Variants in VPS41 observed in about 807,000 individuals in gnomAD.
The protein encoded by VPS41 is vacuolar protein sorting-associated protein 41 homolog.
VPS41 carries 85 observed loss-of-function variants against 130.9 expected under a neutral mutation model. The observed-to-expected ratio is 0.65, with a 90% CI of 0.55 to 0.78. The LOEUF is 0.78. VPS41 is among the 30% of genes least tolerant of loss of function. The pLI, the probability that VPS41 is intolerant of heterozygous loss-of-function variation, is 0.00. For missense variants in VPS41, 874 were observed against 1,018.7 expected, an observed-to-expected ratio of 0.86 and a Z score of 1.93; for synonymous variants, 335 against 332.9, an observed-to-expected ratio of 1.01 and a Z score of -0.07.
chr7:38,865,796 G>T (rs532454824), intron 3 of VPS41, among the ~76,000 whole-genome samples: 5 of 152,252 alleles, frequency 3.3e-5, no homozygotes, highest in Non-Finnish European at 2.9e-5. Context: ...CAGGTGATAA[G>T]GTTGGAAAGG....
intron 7 of VPS41, among the ~76,000 whole-genome samples, chr7:38,804,111 C>T (rs540047824): frequency 6.6e-6 from 1 of 152,272 alleles, no homozygotes; most frequent in Admixed American, 6.5e-5. Flanking sequence ...GTTCCTAGAG[C>T]CCACTCAAAT....
At position 38,758,377 on chromosome 7, in the gene VPS41, A is replaced by T; in HGVS notation, c.1527T>A (p.Thr509=). Residue 509 remains threonine (T), a synonymous_variant, in exon 18 of 29, where the codon ACT becomes ACA. Transcript: ENST00000310301. ...DHLKKDSQNK[T]LLKTLAELYT... The stretch of plus-strand genomic sequence containing the variant: ...ACAATTCTGCCAGGGTTTTAAGTAA[A>T]GTCTTGTTCTGACTATCTTTCTTCA... 6.2e-7 allele frequency: 1 copy of T among 1,610,518 alleles called. No homozygotes were observed. Among genetic ancestry groups the T allele is most frequent in the South Asian group, 1.1e-5 (1 of 89,958 alleles).
At chr7:38,878,357 G>A (rs1346991737) in intron 2 of VPS41, among the ~76,000 whole-genome samples, 1 of 152,076 alleles carries the variant, frequency 6.6e-6, no homozygotes, top group Non-Finnish European at 1.5e-5. Context: ...TGTTTCAGTG[G>A]CAAGTTCTAT....
chr7:38,767,140 G>A (rs1483282979), intron 15 of VPS41, among the ~76,000 whole-genome samples: 1 of 152,120 alleles, frequency 6.6e-6, no homozygotes, highest in Non-Finnish European at 1.5e-5. Flanking sequence ...GCAGTACCTT[G>A]GCTGGTACTA....
intron 5 of VPS41, among the ~76,000 whole-genome samples, chr7:38,824,286 C>G (rs1785229492): frequency 6.6e-6 from 1 of 152,198 alleles, no homozygotes; most frequent in Non-Finnish European, 1.5e-5. Flanking sequence ...CACACCTGTA[C>G]AGTTAAAATT....
chr7:38,788,827 A>C (rs1784484693), intron 10 of VPS41, among the ~76,000 whole-genome samples: 1 of 152,214 alleles, frequency 6.6e-6, no homozygotes, highest in African/African-American at 2.4e-5. Context: ...TCTGACTTCA[A>C]GTACAAAATA....
intron 7 of VPS41, among the ~76,000 whole-genome samples, chr7:38,817,290 T>C (rs1019268230): frequency 6.6e-6 from 1 of 152,218 alleles, no homozygotes; most frequent in African/African-American, 2.4e-5. Flanking sequence ...TATTTTCTTG[T>C]CCTATATCTA....
At chr7:38,766,109 CTA>C (rs1483139428) in intron 15 of VPS41, among the ~76,000 whole-genome samples, 2 of 152,214 alleles carry the variant, frequency 1.3e-5, no homozygotes, top group Non-Finnish European at 2.9e-5. Flanking sequence ...TCCTATCCTA[CTA>C]TATAACCTGG....
intron 2 of VPS41, among the ~76,000 whole-genome samples, chr7:38,872,342 C>T (rs1434092329): frequency 6.6e-6 from 1 of 152,196 alleles, no homozygotes; most frequent in Non-Finnish European, 1.5e-5. Context: ...TCAGATGGAA[C>T]ACTGTCATTT....
At chr7:38,846,656 T>C (rs1785730509) in intron 4 of VPS41, among the ~76,000 whole-genome samples, 1 of 152,090 alleles carries the variant, frequency 6.6e-6, no homozygotes, top group South Asian at 2.1e-4. Flanking sequence ...TTGGGAAGAT[T>C]ACTTGGGCAG....
At chr7:38,888,977 G>A (rs952881589) in intron 2 of VPS41, among the ~76,000 whole-genome samples, 9 of 152,072 alleles carry the variant, frequency 5.9e-5, no homozygotes, top group African/African-American at 1.9e-4. Flanking sequence ...GCTAGGGGAG[G>A]GAAATCATTA....
intron 25 of VPS41, among the ~76,000 whole-genome samples, chr7:38,734,234 C>A (rs186917927): frequency 6.6e-6 from 1 of 152,320 alleles, no homozygotes; most frequent in Non-Finnish European, 1.5e-5. Context: ...ATTTTCCTTA[C>A]AGGACTTTCC....
intron 23 of VPS41, among the ~76,000 whole-genome samples, chr7:38,745,267 A>T (rs187618544): frequency 2.8e-4 from 42 of 152,346 alleles, no homozygotes; most frequent in Admixed American, 2.1e-3. Context: ...TTTTTTAGAA[A>T]ATGAAAAAAC....
intron 22 of VPS41, among the ~76,000 whole-genome samples, chr7:38,747,035 G>A (rs566282843): frequency 6.6e-5 from 10 of 152,182 alleles, no homozygotes; most frequent in African/African-American, 2.4e-4. Flanking sequence ...CAATTATTTT[G>A]GGATTTTTAT....
At chr7:38,866,457 G>C (rs1786231371) in intron 3 of VPS41, among the ~76,000 whole-genome samples, 1 of 152,174 alleles carries the variant, frequency 6.6e-6, no homozygotes, top group African/African-American at 2.4e-5. Context: ...CTTAGCAAAT[G>C]GCTGGGTGAA....
At chr7:38,892,140 A>C (rs1786879967) in intron 2 of VPS41, among the ~76,000 whole-genome samples, 2 of 152,250 alleles carry the variant, frequency 1.3e-5, no homozygotes, top group South Asian at 4.1e-4. Context: ...TCATTATTAT[A>C]CATAGAGAAA....
intron 2 of VPS41, among the ~76,000 whole-genome samples, chr7:38,885,739 G>T (rs1463180816): frequency 6.6e-6 from 1 of 152,206 alleles, no homozygotes; most frequent in African/African-American, 2.4e-5. Flanking sequence ...GATGAATCCA[G>T]TGTTGGAAAT....
intron 2 of VPS41, among the ~76,000 whole-genome samples, chr7:38,870,666 C>A (rs1786332078): frequency 7.4e-6 from 1 of 135,658 alleles, no homozygotes. Context: ...TGAAAAAAGA[C>A]CATAAAAATA....
At chr7:38,768,602 A>G (rs760926043) in intron 14 of VPS41, among the ~76,000 whole-genome samples, 2 of 152,208 alleles carry the variant, frequency 1.3e-5, no homozygotes, top group African/African-American at 2.4e-5. Flanking sequence ...GAGAAATCAT[A>G]TTTCAAGTCT....
Sources: gnomAD v4.1 joint callset for allele counts (sites outside exome capture counted in the v4.1 genomes callset) on GRCh38, gnomAD v4.1.1 for gene constraint, MANE v1.5 for transcripts, NCBI Gene and HGNC (gene_info 2026-07-23, HGNC 2026-07-21) for gene names.